GRIK1: variants seen among roughly 807,000 people sequenced by gnomAD.
GRIK1 encodes the protein glutamate ionotropic receptor kainate type subunit 1.
GRIK1 carries 69 observed loss-of-function variants against 105.7 expected under a neutral mutation model. The ratio of observed to expected loss-of-function variants is 0.65; its 90% confidence interval spans 0.54 to 0.80. GRIK1 has a LOEUF of 0.80. Among genes scored for constraint, GRIK1 ranks in the 30% least tolerant of loss-of-function variants. The pLI is 0.00. For missense variants in GRIK1, 1,109 were observed against 1,167.3 expected, an observed-to-expected ratio of 0.95 and a Z score of 0.73; for synonymous variants, 438 against 431.3, an observed-to-expected ratio of 1.02 and a Z score of -0.19.
intron 15 of GRIK1, among the ~76,000 whole-genome samples, chr21:29,560,308 TTTC>T: frequency 8.7e-6 from 1 of 114,454 alleles, no homozygotes; most frequent in Non-Finnish European, 1.7e-5. Context: ...TCTTTCTTTC[TTTC>T]TTTCTTTCTT....
chr21:29,748,272 C>A (rs1178095044), intron 1 of GRIK1: 1 of 152,234 alleles, frequency 6.6e-6, no homozygotes, highest in African/African-American at 2.4e-5. Flanking sequence ...AAAGAGGAAG[C>A]CAAGGTCATC....
chr21:29,541,146 T>C (rs9647134), intron 16 of GRIK1, among the ~76,000 whole-genome samples: 5,290 of 152,216 alleles, frequency 0.035, 132 homozygotes, highest in East Asian at 0.14. Context: ...TTTTGTATTT[T>C]TAGTAGAGAT....
intron 1 of GRIK1, among the ~76,000 whole-genome samples, chr21:29,816,771 G>A (rs1037864181): frequency 6.6e-6 from 1 of 152,070 alleles, no homozygotes; most frequent in Non-Finnish European, 1.5e-5. Flanking sequence ...AGTAGAATGA[G>A]AGTTACCAGA....
chr21:29,919,558 C>T (rs773727375), intron 1 of GRIK1, among the ~76,000 whole-genome samples: 21 of 152,076 alleles, frequency 1.4e-4, no homozygotes, highest in Non-Finnish European at 2.6e-4. Flanking sequence ...GAAACATATT[C>T]AAGGCTTTCT....
At chr21:29,880,448 C>T (rs1446747209) in intron 1 of GRIK1, among the ~76,000 whole-genome samples, 1 of 152,116 alleles carries the variant, frequency 6.6e-6, no homozygotes, top group Non-Finnish European at 1.5e-5. Context: ...TCTCTTCCTT[C>T]CTGTTCACAT....
At chr21:29,877,918 C>T (rs1263872352) in intron 1 of GRIK1, among the ~76,000 whole-genome samples, 1 of 152,000 alleles carries the variant, frequency 6.6e-6, no homozygotes, top group South Asian at 2.1e-4. Flanking sequence ...AGCTTGAATA[C>T]AAGACCAATG....
chr21:29,665,903 A>G (rs973222249), intron 4 of GRIK1, among the ~76,000 whole-genome samples: 8 of 152,264 alleles, frequency 5.3e-5, no homozygotes, highest in African/African-American at 1.9e-4. Flanking sequence ...ATAAAAAGAA[A>G]TCATTCCAGT....
At chr21:29,861,752 G>A (rs571494002) in intron 1 of GRIK1, 1 of 388,330 alleles carries the variant, frequency 2.6e-6, no homozygotes, top group Admixed American at 3.1e-5. Context: ...CTGTTGATAT[G>A]GTGGATTGCA....
chr21:29,936,763 A>T (rs1347694634), intron 1 of GRIK1, among the ~76,000 whole-genome samples: 1 of 152,250 alleles, frequency 6.6e-6, no homozygotes, highest in Non-Finnish European at 1.5e-5. Flanking sequence ...CATGAATTTT[A>T]TCTTAGCTTT....
intron 16 of GRIK1, among the ~76,000 whole-genome samples, chr21:29,546,402 TC>T (rs531953929): frequency 8.3e-4 from 126 of 152,360 alleles, no homozygotes; most frequent in African/African-American, 2.9e-3. Flanking sequence ...TCTTATCACC[TC>T]CTGGCCCTTC....
intron 1 of GRIK1, among the ~76,000 whole-genome samples, chr21:29,936,581 C>T (rs2071763456): frequency 1.3e-5 from 2 of 152,320 alleles, no homozygotes; most frequent in East Asian, 3.9e-4. Context: ...TCTATGCAAG[C>T]TGCTGGGAAA....
intron 1 of GRIK1, among the ~76,000 whole-genome samples, chr21:29,914,975 T>C (rs1205997974): frequency 1.3e-5 from 2 of 152,086 alleles, no homozygotes; most frequent in African/African-American, 2.4e-5. Flanking sequence ...TTATTTATAT[T>C]TTTTATTGTA....
intron 1 of GRIK1, among the ~76,000 whole-genome samples, chr21:29,707,467 C>CCTCCCTCCCTCA: frequency 9.4e-6 from 1 of 105,962 alleles, no homozygotes; most frequent in Non-Finnish European, 1.8e-5. Context: ...TCCCTCCCTC[C>CCTCCCTCCCTCA]CTCCCTCTCT....
chr21:29,927,911 T>C (rs1387711577), intron 1 of GRIK1, among the ~76,000 whole-genome samples: 6 of 151,828 alleles, frequency 4.0e-5, no homozygotes, highest in East Asian at 1.9e-4. Context: ...AATATACATA[T>C]ACACACACAT....
chr21:29,679,764 T>C (rs1051324534), intron 3 of GRIK1, among the ~76,000 whole-genome samples: 3 of 152,232 alleles, frequency 2.0e-5, no homozygotes, highest in Non-Finnish European at 4.4e-5. Context: ...GAGTTAATTT[T>C]TGATTCTTTG....
chr21:29,701,143 TC>T (rs2063804704), intron 1 of GRIK1, among the ~76,000 whole-genome samples: 1 of 152,208 alleles, frequency 6.6e-6, no homozygotes, highest in Non-Finnish European at 1.5e-5. Flanking sequence ...TTCATTTATT[TC>T]CTCATTTATT....
intron 7 of GRIK1, among the ~76,000 whole-genome samples, chr21:29,634,535 C>T (rs1283105018): frequency 6.6e-6 from 1 of 152,200 alleles, no homozygotes; most frequent in African/African-American, 2.4e-5. Context: ...GTTCAATAAG[C>T]ATCTTTTAAA....
intron 4 of GRIK1, among the ~76,000 whole-genome samples, chr21:29,667,078 C>G (rs942441065): frequency 6.6e-6 from 1 of 152,136 alleles, no homozygotes; most frequent in African/African-American, 2.4e-5. Flanking sequence ...CCCCTGAGGT[C>G]TTCGGCCTTT....
chr21:29,856,159 G>A (rs2068457899), intron 1 of GRIK1, among the ~76,000 whole-genome samples: 2 of 152,218 alleles, frequency 1.3e-5, no homozygotes, highest in Middle Eastern at 3.4e-3. Context: ...AGTATCATGG[G>A]GCTGGGAGAG....
Sources: allele counts gnomAD v4.1 joint callset (sites outside exome capture counted in the v4.1 genomes callset), GRCh38; gene constraint gnomAD v4.1.1; transcripts MANE v1.5; gene names NCBI Gene and HGNC (gene_info 2026-07-23, HGNC 2026-07-21).